The following RGL4 variants were observed in gnomAD, a reference collection of about 807,000 sequenced individuals.
RGL4 encodes the protein ral guanine nucleotide dissociation stimulator like 4.
Under a neutral mutation model 49.6 loss-of-function variants are expected in RGL4, and 41 were observed. That is an observed-to-expected ratio of 0.83 (90% CI 0.64 to 1.07). The LOEUF is 1.07. RGL4 is among the 50% of genes least tolerant of loss of function. The probability of loss-of-function intolerance (pLI) is 0.00; values close to 1 mark genes in which losing one functional copy is unlikely to be tolerated. For missense variants in RGL4, 610 were observed against 591.9 expected (o/e 1.03, Z -0.32); for synonymous variants, 255 against 238.0 (o/e 1.07, Z -0.66).
In RGL4 at chr22:23,691,858, A is replaced by G; in HGVS notation, c.-173A>G. ...CAAGAGGCAAATAGTGAGTTCTGTA[A>G]ATGGAGACTTAGGTCCCCTGCAAAG... On this transcript the variant is annotated 5_prime_UTR_variant, in exon 1 of 11. Coordinates refer to ENST00000290691, the MANE Select transcript of RGL4 (RefSeq NM_153615.2). 1.7e-6 allele frequency: 1 copy of G among 604,278 alleles called. No individual in the cohort carries two copies. The highest frequency in any genetic ancestry group is 3.0e-5 in the Admixed American group (1 of 33,736). 37.4% of individuals were successfully genotyped at this position (604,278 alleles called of 1,614,324 possible).
rs1445527033 is a variant in RGL4, at chr22:23,696,657, G to A, written c.1130G>A (p.Arg377Lys). 2.5e-6 allele frequency: 4 copies of A among 1,613,740 alleles called. No homozygotes were observed. The highest frequency in any genetic ancestry group is 2.5e-6 in the Non-Finnish European group (3 of 1,179,876). ...GCCACCCAGGAGAGGAACCCCCAGA[G>A]AGTCCAGATGAGGCTGCGGAGGCAG... ...KVATQERNPQ[R>K]VQMRLRRQKK... The change falls in exon 7 of 11, where the codon AGA becomes AAA. Residue 377 changes from arginine (R) to lysine (K), a missense_variant. Arg to Lys is a conservative substitution (Grantham distance 26). Transcript: ENST00000290691.
intron 8 of RGL4, 119 bp from the exon 9 acceptor site, chr22:23,697,719 C>A: frequency 8.9e-7 from 1 of 1,117,758 alleles, no homozygotes; most frequent in South Asian, 1.3e-5. Flanking sequence ...AGGTCCAAGT[C>A]CTGTCGTGTG....
rs748293215 is a variant in RGL4 at position 23,698,867 on chromosome 22, A to G, written c.1406A>G (p.Glu469Gly). ...KESYKLSCQL[E>G]PENP Reference sequence around the variant, plus strand: ...AGCTACAAGCTGTCCTGCCAGCTGGAGCCCGAAAACCCGTAGGCTGGCAAC... The same window carrying G: ...AGCTACAAGCTGTCCTGCCAGCTGGGGCCCGAAAACCCGTAGGCTGGCAAC... Residue 469 changes from glutamate (E) to glycine (G), a missense_variant, in exon 11 of 11, where the codon GAG (glutamate) becomes GGG (glycine). Glu to Gly is a moderately conservative substitution (Grantham distance 98). Transcript: ENST00000290691. 75 of 1,612,918 alleles carry G rather than the reference A, an allele frequency of 4.6e-5. No individual in the cohort carries two copies. The South Asian group carries it at 8.1e-4, about 17-fold the overall frequency.
rs539066191 is a variant in RGL4 at position 23,695,296 on chromosome 22, A to T, written c.1086+277A>T. The T allele has an allele frequency of 1.5e-3, 685 of 460,846 alleles. 1 individual carries two copies. Among genetic ancestry groups the T allele is most frequent in the Admixed American group, 2.6e-3 (89 of 34,850 alleles). 28.5% of individuals were successfully genotyped at this position (460,846 alleles called of 1,614,324 possible). On this transcript the variant is annotated intron_variant, in intron 6 of 10. Coordinates refer to ENST00000290691, the MANE Select transcript of RGL4 (RefSeq NM_153615.2). ...GCTGGGCTGCTGAGCAGGGGTGATGAGCTGCAGCATTAGCAGGGCTCTGGC... is the reference window on the plus strand; with the variant it reads ...GCTGGGCTGCTGAGCAGGGGTGATGTGCTGCAGCATTAGCAGGGCTCTGGC...
Position 23,692,081 on chromosome 22 carries a change from G to A in RGL4, c.51G>A (p.Gln17=). Residue 17 remains glutamine (Q), a synonymous_variant, in exon 1 of 11, where the codon CAG becomes CAA. Coordinates refer to ENST00000290691, the MANE Select transcript of RGL4 (RefSeq NM_153615.2). ...CTGCAGCTGCAGTCTTGAGTGCCCA[G>A]GTGTACAGTGCTGTGCTCCAGGGCC... ...NLPAAAVLSA[Q]VYSAVLQGLW... 1 of 1,614,124 alleles carries A rather than the reference G, an allele frequency of 6.2e-7. No homozygotes were observed. The highest frequency in any genetic ancestry group is 8.5e-7 in the Non-Finnish European group (1 of 1,179,994).
chr22:23,692,484 T>C lies in RGL4; in HGVS notation c.329T>C (p.Leu110Pro), dbSNP rs149062685. The change falls in exon 2 of 11, where the codon CTA becomes CCA. Residue 110 changes from leucine (L) to proline (P), a missense_variant. Leu to Pro is a moderately conservative substitution (Grantham distance 98, BLOSUM62 -3). Transcript: ENST00000290691. ...LGLEDHQEIV[L>P]GQLVLPEPNE... is the part of the protein sequence containing the mutation. ...TTGGAGGACCATCAGGAAATTGTCC[T>C]AGGCCAGTTGGTGCTTCCGGAGCCC... 4,459 of 1,614,194 alleles carry C rather than the reference T, an allele frequency of 2.8e-3. 11 individuals carry two copies. Among genetic ancestry groups the C allele is most frequent in the Non-Finnish European group, 3.0e-3 (3,527 of 1,180,018 alleles).
In RGL4 at chr22:23,692,852, C is replaced by T; in HGVS notation, c.557C>T (p.Thr186Ile). Residue 186 changes from threonine (T) to isoleucine (I), a missense_variant, in exon 3 of 11, where the codon ACA (threonine) becomes ATA (isoleucine). Thr to Ile is a moderately conservative substitution (Grantham distance 89, BLOSUM62 -1). Coordinates refer to ENST00000290691, the MANE Select transcript of RGL4 (RefSeq NM_153615.2). ...CCAGGGGAAGGGCCCCCTCCAGGGA[C>T]AGTGCTGGAGCCACAGTCAGCCCCA... ...PAPGEGPPPG[T>I]VLEPQSAPES... 6.2e-7 allele frequency: 1 copy of T among 1,613,582 alleles called. No homozygotes were observed. The highest frequency in any genetic ancestry group is 1.6e-4 in the Middle Eastern group (1 of 6,062).
At position 23,698,230 on chromosome 22, in the gene RGL4, G is replaced by C; in HGVS notation, c.1279G>C (p.Glu427Gln). The C allele has an allele frequency of 6.2e-7, 1 of 1,608,190 alleles. No homozygotes were observed. Among genetic ancestry groups the C allele is most frequent in the South Asian group, 1.1e-5 (1 of 90,964 alleles). The change falls in exon 10 of 11, where the codon GAA becomes CAA. Residue 427 changes from glutamate (E) to glutamine (Q), a missense_variant. By Grantham distance (29) the Glu-to-Gln change is conservative. Coordinates refer to ENST00000290691, the MANE Select transcript of RGL4 (RefSeq NM_153615.2). Reference protein sequence around the residue: ...KRSKEVRVLQEMQLLQVAAMN... With the variant: ...KRSKEVRVLQQMQLLQVAAMN... ...TCTCTAGGAGGTCCGAGTTCTGCAG[G>C]AAATGCAGCTGCTCCAAGTGGCTGC...
Position 23,691,283 on chromosome 22 carries a change from G to C in RGL4, c.-748G>C, listed in dbSNP as rs1923122152. On this transcript the variant is annotated 5_prime_UTR_variant, in exon 1 of 11. Transcript: ENST00000290691. ...ACACATAGAAACCAAGTCTGCGATG[G>C]CACTGGTAAAGGATGTCTGAGATTC... The C allele has an allele frequency of 6.6e-6, 1 of 152,132 alleles. No individual in the cohort carries two copies. The highest frequency in any genetic ancestry group is 1.5e-5 in the Non-Finnish European group (1 of 68,048). 9.4% of individuals were successfully genotyped at this position (152,132 alleles called of 1,614,324 possible). A position where few individuals can be genotyped will look rare whatever the true frequency, so the allele number is the denominator to read the frequency against.
rs751003410 is a variant in RGL4 at position 23,692,376 on chromosome 22, C to T, written c.221C>T (p.Thr74Ile). ...TTGTTCAACTGGCCCCCCGAAAACA[C>T]TTCAGTTTACTATCAGCCCCCGCAA... Reference protein sequence around the residue: ...SILFNWPPENTSVYYQPPQRS... With the variant: ...SILFNWPPENISVYYQPPQRS... The change falls in exon 2 of 11, where the codon ACT becomes ATT. Residue 74 changes from threonine (T) to isoleucine (I), a missense_variant. Coordinates refer to ENST00000290691, the MANE Select transcript of RGL4 (RefSeq NM_153615.2). 3.1e-6 allele frequency: 5 copies of T among 1,614,246 alleles called. No homozygotes were observed. Among genetic ancestry groups the T allele is most frequent in the East Asian group, 4.5e-5 (2 of 44,884 alleles).
At chr22:23,695,214 G>A (rs530224036) in intron 6 of RGL4, 195 bp downstream of exon 6, 20 of 528,098 alleles carry the variant, frequency 3.8e-5, no homozygotes, top group Admixed American at 2.3e-4. Context: ...CCATGGGCAC[G>A]TGGGGGCATG....
intron 2 of RGL4, 33 bp from the exon 3 acceptor site, chr22:23,692,636 T>C (rs1428589157): frequency 1.9e-6 from 3 of 1,572,910 alleles, no homozygotes; most frequent in Non-Finnish European, 1.7e-6. Context: ...CAGTGAAAAA[T>C]GACTGGTGTG....
intron 5 of RGL4, 109 bp from the exon 6 acceptor site, chr22:23,694,841 C>T: frequency 2.3e-6 from 2 of 872,266 alleles, no homozygotes; most frequent in Non-Finnish European, 3.8e-6. Context: ...CCACTGAAAA[C>T]TCTCACCCAG....
In RGL4 at chr22:23,698,330, A is replaced by G. The variant is rs1601292464; in HGVS notation, c.1379A>G (p.Glu460Gly). ...AGAATGGAGCAGCTCAGTGACAAAG[A>G]GAGGTGAGGGCCTAGCCCATGGGCT... Reference protein sequence around the residue: ...FTRMEQLSDKESYKLSCQLEP... With the variant: ...FTRMEQLSDKGSYKLSCQLEP... The change falls in exon 10 of 11, where the codon GAG (glutamate) becomes GGG (glycine). Residue 460 changes from glutamate to glycine, a missense_variant. Glu to Gly is a moderately conservative substitution (Grantham distance 98). Transcript: ENST00000290691. 1.8e-5 allele frequency: 29 copies of G among 1,602,554 alleles called. No homozygotes were observed. Among genetic ancestry groups the G allele is most frequent in the Non-Finnish European group, 2.3e-5 (27 of 1,170,552 alleles).
rs139264764 is a variant in RGL4 at position 23,695,671 on chromosome 22, T to C, written c.1086+652T>C. ...CTTTGCAGACACCCAAAAACGGTCA[T>C]GTCAGAGGATTCTCACCGGTTAGCA... On this transcript the variant is annotated intron_variant, in intron 6 of 10. Coordinates refer to ENST00000290691, the MANE Select transcript of RGL4 (RefSeq NM_153615.2). 5.5e-3 allele frequency among the ~76,000 whole-genome samples: 838 copies of C among 152,308 alleles called. 5 individuals are homozygous for C. The highest frequency in any genetic ancestry group is 0.02 in the African/African-American group (817 of 41,554).
At chr22:23,696,083 G>C (rs1326251533) in intron 6 of RGL4, among the ~76,000 whole-genome samples, 2 of 152,194 alleles carry the variant, frequency 1.3e-5, no homozygotes, top group Non-Finnish European at 2.9e-5. Flanking sequence ...AGACTCCAGA[G>C]AACACGACCC....
chr22:23,697,541 A>G (rs1248248214), intron 8 of RGL4, among the ~76,000 whole-genome samples: 3 of 152,146 alleles, frequency 2.0e-5, no homozygotes, highest in South Asian at 2.1e-4. Flanking sequence ...GTCCCGTAAT[A>G]GGAGGGTGAA....
intron 7 of RGL4, 104 bp from the exon 8 acceptor site, chr22:23,697,067 A>G: frequency 1.1e-6 from 1 of 869,920 alleles, no homozygotes; most frequent in Non-Finnish European, 1.8e-6. Context: ...GCTCTGGGAG[A>G]CAGGGGCTGA....
intron 8 of RGL4, among the ~76,000 whole-genome samples, chr22:23,697,470 C>T (rs2123863415): frequency 6.6e-6 from 1 of 152,324 alleles, no homozygotes; most frequent in South Asian, 2.1e-4. Flanking sequence ...AGCTGCAGAG[C>T]TGCCTGACTG....
Sources: allele counts gnomAD v4.1 joint callset (sites outside exome capture counted in the v4.1 genomes callset), GRCh38; gene constraint gnomAD v4.1.1; transcripts MANE v1.5; gene names NCBI Gene and HGNC (gene_info 2026-07-23, HGNC 2026-07-21).